UNC13B: variants seen among roughly 807,000 people sequenced by gnomAD.
UNC13B encodes unc-13 homolog B.
Under a neutral mutation model 211.0 loss-of-function variants are expected in UNC13B, and 144 were observed. The observed-to-expected ratio is 0.68, with a 90% CI of 0.60 to 0.78. UNC13B has a LOEUF of 0.78. UNC13B is among the 30% of genes least tolerant of loss of function. The pLI, the probability that UNC13B is intolerant of heterozygous loss-of-function variation, is 0.00. For missense variants in UNC13B, 1,777 were observed against 2,002.0 expected (o/e 0.89, Z 2.14); for synonymous variants, 709 against 725.8 (o/e 0.98, Z 0.37).
intron 11 of UNC13B, among the ~76,000 whole-genome samples, chr9:35,339,725 G>A (rs1276459074): frequency 2.0e-5 from 3 of 152,252 alleles, no homozygotes; most frequent in Admixed American, 6.5e-5. Flanking sequence ...TACTGCCTGA[G>A]CCTTTGTTTT....
In UNC13B at chr9:35,305,581, A is replaced by G. The variant is rs1328222123; in HGVS notation, c.6177A>G (p.Glu2059=). The G allele has an allele frequency of 5.0e-6, 2 of 398,988 alleles. No individual in the cohort carries two copies. The highest frequency in any genetic ancestry group is 4.4e-5 in the Admixed American group (1 of 22,734). 24.7% of individuals were successfully genotyped at this position (398,988 alleles called of 1,614,324 possible). The change falls in exon 9 of 40, where the codon GAA becomes GAG. Residue 2059 remains glutamate, a synonymous_variant. Coordinates refer to ENST00000635942, the MANE Select transcript of UNC13B (RefSeq NM_001371189.2). ...QTTIDDSRLE[E]STRGIQGNDL... ...CTATCGATGACAGTAGGTTAGAGGA[A>G]TCAACTAGAGGGATCCAGGGTAATG...
chr9:35,390,593 C>T (rs1051350743), intron 25 of UNC13B, 36 bp from the exon 26 acceptor site: 1 of 1,606,174 alleles, frequency 6.2e-7, no homozygotes, highest in Non-Finnish European at 8.5e-7. Flanking sequence ...ATGGCTCTTG[C>T]CTTATTCTCT....
At chr9:35,397,801 G>T in intron 30 of UNC13B, 89 bp downstream of exon 30, 1 of 1,384,630 alleles carries the variant, frequency 7.2e-7, no homozygotes, top group Non-Finnish European at 1.0e-6. Context: ...TTGAGGGTTG[G>T]GGTGACACTC....
chr9:35,286,611 G>A (rs1043734384), intron 7 of UNC13B, among the ~76,000 whole-genome samples: 2 of 152,038 alleles, frequency 1.3e-5, no homozygotes, highest in African/African-American at 4.8e-5. Flanking sequence ...TGTAATCCCA[G>A]CACTTTGGGA....
intron 7 of UNC13B, among the ~76,000 whole-genome samples, chr9:35,272,346 C>T (rs1814644611): frequency 6.6e-6 from 1 of 150,932 alleles, no homozygotes; most frequent in African/African-American, 2.4e-5. Context: ...CAACCTTTGC[C>T]TCCTAGGTTC....
At chr9:35,235,708 C>A (rs1011470244) in intron 3 of UNC13B, among the ~76,000 whole-genome samples, 3 of 152,180 alleles carry the variant, frequency 2.0e-5, no homozygotes, top group African/African-American at 7.2e-5. Context: ...GCTGGGATTA[C>A]AGGCTTGAGC....
At chr9:35,392,927 T>G (rs1000172256) in intron 26 of UNC13B, among the ~76,000 whole-genome samples, 3 of 152,130 alleles carry the variant, frequency 2.0e-5, no homozygotes, top group Non-Finnish European at 2.9e-5. Flanking sequence ...TAAGACCACT[T>G]TAAGAATACA....
intron 1 of UNC13B, among the ~76,000 whole-genome samples, chr9:35,214,425 T>C (rs1342981725): frequency 6.6e-6 from 1 of 151,800 alleles, no homozygotes; most frequent in Non-Finnish European, 1.5e-5. Flanking sequence ...AGACTCTGTC[T>C]CAAAAACAAA....
chr9:35,252,546 A>G (rs1372654747), intron 6 of UNC13B, among the ~76,000 whole-genome samples: 6 of 151,772 alleles, frequency 4.0e-5, no homozygotes, highest in Non-Finnish European at 7.4e-5. Flanking sequence ...GCCTCAAGTG[A>G]TCTGCCCACC....
chr9:35,394,575 G>A (rs1835754991), intron 26 of UNC13B, among the ~76,000 whole-genome samples: 2 of 152,202 alleles, frequency 1.3e-5, no homozygotes, highest in African/African-American at 4.8e-5. Flanking sequence ...CACCCTGGGT[G>A]ACAGAGCGAG....
chr9:35,346,927 ATT>A (rs879296820), intron 11 of UNC13B, among the ~76,000 whole-genome samples: 1 of 139,058 alleles, frequency 7.2e-6, no homozygotes. Flanking sequence ...TTTCTTTTTC[ATT>A]TTTTTTTTTT....
intron 31 of UNC13B, 127 bp downstream of exon 31, chr9:35,398,415 C>T: frequency 7.4e-7 from 1 of 1,358,318 alleles, no homozygotes; most frequent in Non-Finnish European, 1.0e-6. Context: ...CTGGCTTAAT[C>T]TGAGGTAGGC....
chr9:35,265,970 A>C (rs1827551622), intron 7 of UNC13B, among the ~76,000 whole-genome samples: 1 of 152,054 alleles, frequency 6.6e-6, no homozygotes, highest in Non-Finnish European at 1.5e-5. Flanking sequence ...GACCACAGTC[A>C]TGTGTCATCA....
rs1011068098 is a variant in UNC13B at position 35,381,462 on chromosome 9, C to A, written c.10492-94C>A. 4 of 1,418,824 alleles carry A rather than the reference C, an allele frequency of 2.8e-6. No homozygotes were observed. The African/African-American group carries it at 4.3e-5, about 15-fold the overall frequency. The allele number at this position is 1,418,824 out of a possible 1,614,324, so 87.9% of individuals were successfully genotyped here. A position where few individuals can be genotyped will look rare whatever the true frequency, so the allele number is the denominator to read the frequency against. On this transcript the variant is annotated intron_variant, in intron 19 of 39. Coordinates refer to ENST00000635942, the MANE Select transcript of UNC13B (RefSeq NM_001371189.2). ...CTGGAAGGACAGAATTTCTGTGGGA[C>A]CTTGTGCACATTCTTCTGGGCTTTA... is the stretch of plus-strand genomic sequence containing the variant.
chr9:35,201,853 A>T lies in UNC13B; in HGVS notation c.23-26162A>T, dbSNP rs575449078. 3.3e-3 allele frequency among the ~76,000 whole-genome samples: 498 copies of T among 151,032 alleles called. 2 individuals carry two copies. Among genetic ancestry groups the T allele is most frequent in the African/African-American group, 0.011 (470 of 41,076 alleles). ...CTCTATCTCCTTCAGTTCTGCTCTG[A>T]TCTTAGTTATTTCTTGCCTTCTGCT... On this transcript the variant is annotated intron_variant, in intron 1 of 39. Transcript: ENST00000635942.
rs914815095 is a variant in UNC13B, at chr9:35,306,003, G to A, written c.6599G>A (p.Ser2200Asn). Residue 2200 changes from serine to asparagine, a missense_variant, in exon 9 of 40, where the codon AGC (serine) becomes AAC (asparagine). Coordinates refer to ENST00000635942, the MANE Select transcript of UNC13B (RefSeq NM_001371189.2). ...CTTCCTTCATTTTTTTCCACTGCTA[G>A]CTCAAGCATTAAGAAGGATGCCTCT... ...FTLPSFFSTASSSIKKDASHS... is the reference protein window; with the variant it reads ...FTLPSFFSTANSSIKKDASHS... The A allele has an allele frequency of 1.3e-5, 5 of 398,844 alleles. No individual in the cohort carries two copies. The South Asian group carries it at 5.1e-4, about 41-fold the overall frequency. 24.7% of individuals were successfully genotyped at this position (398,844 alleles called of 1,614,324 possible).
chr9:35,172,479 C>G (rs1010694178), intron 1 of UNC13B, among the ~76,000 whole-genome samples: 2 of 152,034 alleles, frequency 1.3e-5, no homozygotes, highest in African/African-American at 2.4e-5. Flanking sequence ...TCTCCTGTTT[C>G]CTTTCATATA....
At chr9:35,203,976 G>T (rs1823487407) in intron 1 of UNC13B, among the ~76,000 whole-genome samples, 1 of 152,242 alleles carries the variant, frequency 6.6e-6, no homozygotes, top group African/African-American at 2.4e-5. Flanking sequence ...CACAGGCCCA[G>T]AGGCCTAGGA....
At position 35,271,684 on chromosome 9, in the gene UNC13B, A is replaced by G. The variant is rs185014555; in HGVS notation, c.526+12634A>G. ...TAGCAACACACCATGTTGCCATACCAGTCTGACTACTACTAAATTCAACAA... is the reference window on the plus strand; with the variant it reads ...TAGCAACACACCATGTTGCCATACCGGTCTGACTACTACTAAATTCAACAA... On this transcript the variant is annotated intron_variant, in intron 7 of 39. Transcript: ENST00000635942. Among the ~76,000 whole-genome samples, 30 of 152,358 alleles carry G rather than the reference A, an allele frequency of 2.0e-4. No individual in the cohort carries two copies. The East Asian group carries it at 3.1e-3, about 16-fold the overall frequency.
Sources: gnomAD v4.1 joint callset for allele counts (sites outside exome capture counted in the v4.1 genomes callset) on GRCh38, gnomAD v4.1.1 for gene constraint, MANE v1.5 for transcripts, NCBI Gene and HGNC (gene_info 2026-07-23, HGNC 2026-07-21) for gene names.